Variants in LYPD6 observed in about 807,000 individuals in gnomAD.
LYPD6 encodes ly6/PLAUR domain-containing protein 6.
Under a neutral mutation model 22.7 loss-of-function variants are expected in LYPD6, and 15 were observed. That is an observed-to-expected ratio of 0.66 (90% CI 0.44 to 1.02). The LOEUF is 1.02. LYPD6 is among the 50% of genes least tolerant of loss of function. LYPD6 has a pLI of 0.00. For synonymous variants in LYPD6, 72 were observed against 77.5 expected (o/e 0.93, Z 0.37); for missense variants, 189 against 208.4 (o/e 0.91, Z 0.57).
chr2:149,341,555 G>T (rs1681162052), intron 1 of LYPD6, among the ~76,000 whole-genome samples: 2 of 152,146 alleles, frequency 1.3e-5, no homozygotes, highest in African/African-American at 4.8e-5. Flanking sequence ...GAGAAAAGCT[G>T]TAAAGATCTG....
intron 1 of LYPD6, among the ~76,000 whole-genome samples, chr2:149,422,915 T>C (rs1683111257): frequency 6.6e-6 from 1 of 152,210 alleles, no homozygotes; most frequent in Non-Finnish European, 1.5e-5. Flanking sequence ...GGTTCATCCA[T>C]GTTGCTGCAA....
intron 1 of LYPD6, among the ~76,000 whole-genome samples, chr2:149,379,612 T>A (rs1682014750): frequency 6.6e-6 from 1 of 152,194 alleles, no homozygotes; most frequent in African/African-American, 2.4e-5. Flanking sequence ...TGTCTTTGTG[T>A]CAGGAAAGGC....
intron 1 of LYPD6, among the ~76,000 whole-genome samples, chr2:149,380,197 G>A (rs1317965495): frequency 2.6e-5 from 4 of 152,210 alleles, no homozygotes; most frequent in Non-Finnish European, 5.9e-5. Context: ...GGTCAGAAAT[G>A]GGGAGCGGGG....
chr2:149,345,379 T>G (rs1020442458), intron 1 of LYPD6, among the ~76,000 whole-genome samples: 2 of 146,646 alleles, frequency 1.4e-5, no homozygotes, highest in Admixed American at 1.4e-4. Flanking sequence ...CGATCTCAGG[T>G]CACTGCAAGC....
the LYPD6 span, among the ~76,000 whole-genome samples, chr2:149,484,657 G>A: frequency 6.6e-6 from 1 of 152,140 alleles, no homozygotes; most frequent in Admixed American, 6.5e-5. Context: ...TTGAGCAAAT[G>A]AATAAGCAAG....
intron 1 of LYPD6, among the ~76,000 whole-genome samples, chr2:149,387,015 G>A (rs1021737506): frequency 6.6e-6 from 1 of 152,136 alleles, no homozygotes; most frequent in African/African-American, 2.4e-5. Flanking sequence ...ACAGGAATCT[G>A]TGTCTCCTGG....
chr2:149,332,021 C>T (rs1288319637), intron 1 of LYPD6, among the ~76,000 whole-genome samples: 1 of 152,214 alleles, frequency 6.6e-6, no homozygotes, highest in African/African-American at 2.4e-5. Flanking sequence ...TTAATGGTTA[C>T]TGTATATGCG....
chr2:149,409,192 C>T (rs1682797486), intron 1 of LYPD6, among the ~76,000 whole-genome samples: 1 of 152,216 alleles, frequency 6.6e-6, no homozygotes, highest in South Asian at 2.1e-4. Context: ...GGTCTAGCCA[C>T]CTAGCAGAGC....
At chr2:149,363,317 C>A (rs963452808) in intron 1 of LYPD6, among the ~76,000 whole-genome samples, 2 of 152,130 alleles carry the variant, frequency 1.3e-5, no homozygotes, top group African/African-American at 4.8e-5. Flanking sequence ...TATACTTGAT[C>A]TTCATAATCA....
intron 1 of LYPD6, among the ~76,000 whole-genome samples, chr2:149,357,181 G>A (rs544328364): frequency 1.3e-5 from 2 of 152,288 alleles, no homozygotes; most frequent in South Asian, 4.1e-4. Context: ...ACCCTGATTG[G>A]CATTTAACCA....
chr2:149,462,496 T>C (rs1681108562), intron 3 of LYPD6, among the ~76,000 whole-genome samples: 1 of 151,670 alleles, frequency 6.6e-6, no homozygotes, highest in African/African-American at 2.4e-5. Flanking sequence ...CAGATTGTTA[T>C]ATAGGTTTAA....
At chr2:149,420,078 A>T (rs1056866234) in intron 1 of LYPD6, among the ~76,000 whole-genome samples, 1 of 152,208 alleles carries the variant, frequency 6.6e-6, no homozygotes, top group Admixed American at 6.5e-5. Context: ...ACATCAGAAT[A>T]AGTGACTAGA....
At chr2:149,338,793 G>C (rs1681105327) in intron 1 of LYPD6, among the ~76,000 whole-genome samples, 1 of 152,184 alleles carries the variant, frequency 6.6e-6, no homozygotes, top group Non-Finnish European at 1.5e-5. Context: ...AGTCATTGTA[G>C]ATTGTTCTCC....
intron 1 of LYPD6, among the ~76,000 whole-genome samples, chr2:149,383,763 T>C (rs1437172916): frequency 6.6e-6 from 1 of 152,202 alleles, no homozygotes; most frequent in African/African-American, 2.4e-5. Flanking sequence ...GTGGGGATGA[T>C]TTCCTAGTAA....
chr2:149,466,501 A>G (rs1009549514), intron 3 of LYPD6, among the ~76,000 whole-genome samples: 12 of 152,296 alleles, frequency 7.9e-5, no homozygotes, highest in Admixed American at 2.6e-4. Context: ...TACCCCCAGA[A>G]TGGCAAAAAA....
In LYPD6 at chr2:149,472,076, T is replaced by G. The variant is rs1302467038; in HGVS notation, c.*1226T>G. ...TATTTTTTGTACCCCAAGTTACAATTTTTCTTCTTCCTTGTAAATAATTTA... is the reference window on the plus strand; with the variant it reads ...TATTTTTTGTACCCCAAGTTACAATGTTTCTTCTTCCTTGTAAATAATTTA... On this transcript the variant is annotated 3_prime_UTR_variant, in exon 5 of 5. Transcript: ENST00000334166. 1.3e-5 allele frequency: 2 copies of G among 152,362 alleles called. No individual in the cohort carries two copies. The highest frequency in any genetic ancestry group is 2.9e-5 in the Non-Finnish European group (2 of 68,036). The allele number at this position is 152,362 out of a possible 1,614,324, so 9.4% of individuals were successfully genotyped here.
At chr2:149,405,684 G>A (rs887069397) in intron 1 of LYPD6, among the ~76,000 whole-genome samples, 4 of 152,110 alleles carry the variant, frequency 2.6e-5, no homozygotes, top group Admixed American at 2.6e-4. Flanking sequence ...CACAAAACCA[G>A]CTCCTGGATT....
intron 1 of LYPD6, among the ~76,000 whole-genome samples, chr2:149,414,494 T>C (rs1682920070): frequency 6.6e-6 from 1 of 152,178 alleles, no homozygotes; most frequent in Non-Finnish European, 1.5e-5. Context: ...ACATTGGCCT[T>C]TAGTAGAGAA....
At chr2:149,483,907 G>A in the LYPD6 span, among the ~76,000 whole-genome samples, 8 of 152,174 alleles carry the variant, frequency 5.3e-5, no homozygotes, top group African/African-American at 1.7e-4. Flanking sequence ...AGTGACAAGA[G>A]AGAACTGTAA....
Sources: gnomAD v4.1 joint callset for allele counts (sites outside exome capture counted in the v4.1 genomes callset) on GRCh38, gnomAD v4.1.1 for gene constraint, MANE v1.5 for transcripts, NCBI Gene and HGNC (gene_info 2026-07-23, HGNC 2026-07-21) for gene names.